The following TMEM260 variants were observed in gnomAD, a reference collection of about 807,000 sequenced individuals.
The protein encoded by TMEM260 is protein O-mannosyl-transferase TMEM260.
Under a neutral mutation model 88.9 loss-of-function variants are expected in TMEM260, and 82 were observed. The observed-to-expected ratio is 0.92, with a 90% CI of 0.77 to 1.11. The LOEUF (loss-of-function observed/expected upper bound fraction) is 1.11, where lower values mean the gene tolerates loss of function less well. TMEM260 is among the 50% of genes least tolerant of loss of function. The probability of loss-of-function intolerance (pLI) is 0.00; values close to 1 mark genes in which losing one functional copy is unlikely to be tolerated. For synonymous variants in TMEM260, 314 were observed against 309.3 expected (o/e 1.02, Z -0.16); for missense variants, 902 against 853.4 (o/e 1.06, Z -0.71).
chr14:56,612,160 A>G (rs986439672), intron 6 of TMEM260, 85 bp from the exon 7 acceptor site: 2 of 1,330,558 alleles, frequency 1.5e-6, no homozygotes, highest in Admixed American at 3.8e-5. Context: ...GAAAACCCGA[A>G]TCTTTTAAGA....
rs541787966 is a variant in TMEM260 at position 56,604,091 on chromosome 14, A to T, written c.522+99A>T. Reference sequence around the variant, plus strand: ...GCTTAAATACCTTTTATCTATTCTGATTACAGTCGGGATAATCTAGCATGC... The same window carrying T: ...GCTTAAATACCTTTTATCTATTCTGTTTACAGTCGGGATAATCTAGCATGC... On this transcript the variant is annotated intron_variant, in intron 4 of 15. Transcript: ENST00000261556. The T allele has an allele frequency of 3.5e-5, 42 of 1,191,568 alleles. No homozygotes were observed. The East Asian group carries it at 8.7e-4, about 25-fold the overall frequency. The allele number at this position is 1,191,568 out of a possible 1,614,324, so 73.8% of individuals were successfully genotyped here. A position where few individuals can be genotyped will look rare whatever the true frequency, so the allele number is the denominator to read the frequency against.
chr14:56,654,442 A>G (rs1168758152), downstream of TMEM260, among the ~76,000 whole-genome samples: 1 of 152,194 alleles, frequency 6.6e-6, no homozygotes, highest in East Asian at 1.9e-4. Context: ...CTCCACTGGA[A>G]TTAGACTTTA....
chr14:56,580,168 T>A, intron 1 of TMEM260, 94 bp downstream of exon 1: 1 of 1,067,306 alleles, frequency 9.4e-7, no homozygotes, highest in Non-Finnish European at 1.2e-6. Flanking sequence ...GCATTCGGTC[T>A]GGTCAGCTCT....
At chr14:56,603,409 A>G (rs1463691194) in intron 3 of TMEM260, among the ~76,000 whole-genome samples, 3 of 152,282 alleles carry the variant, frequency 2.0e-5, no homozygotes, top group East Asian at 3.9e-4. Context: ...ATTTTTCTGA[A>G]TAAATATTTT....
chr14:56,616,561 A>G (rs1887606914), intron 8 of TMEM260, among the ~76,000 whole-genome samples: 1 of 152,036 alleles, frequency 6.6e-6, no homozygotes, highest in Admixed American at 6.5e-5. Context: ...TGTCTATATA[A>G]TAGAACATTC....
At chr14:56,592,133 C>G (rs891994637) in intron 3 of TMEM260, among the ~76,000 whole-genome samples, 1 of 151,974 alleles carries the variant, frequency 6.6e-6, no homozygotes, top group Admixed American at 6.5e-5. Context: ...AAACAGTTCT[C>G]CTTTTGATCA....
the TMEM260 span, among the ~76,000 whole-genome samples, chr14:56,661,809 C>T: frequency 1.3e-5 from 2 of 152,134 alleles, no homozygotes; most frequent in African/African-American, 4.8e-5. Flanking sequence ...GTTTATATGA[C>T]ACTGTTACTT....
At chr14:56,644,931 A>G (rs1321897523) in intron 15 of TMEM260, among the ~76,000 whole-genome samples, 1 of 152,228 alleles carries the variant, frequency 6.6e-6, no homozygotes, top group East Asian at 1.9e-4. Context: ...ATGCAAATCA[A>G]AACCACAAGG....
rs116580428 is a variant in TMEM260, at chr14:56,599,990, C to G, written c.345-3825C>G. ...AAAAGAGATGATGATTAGTCAGATACAGTAGACAATTTGGTCAACATTTAA... is the reference window on the plus strand; with the variant it reads ...AAAAGAGATGATGATTAGTCAGATAGAGTAGACAATTTGGTCAACATTTAA... On this transcript the variant is annotated intron_variant, in intron 3 of 15. Transcript: ENST00000261556. Among the ~76,000 whole-genome samples the G allele has an allele frequency of 4.6e-3, 707 of 152,232 alleles. 5 individuals carry two copies. The highest frequency in any genetic ancestry group is 0.016 in the African/African-American group (674 of 41,534).
At chr14:56,637,005 TGCAGAAGCAGAGG>T (rs1275749078) in intron 15 of TMEM260, among the ~76,000 whole-genome samples, 2 of 152,122 alleles carry the variant, frequency 1.3e-5, no homozygotes, top group East Asian at 3.9e-4. Flanking sequence ...GTATACATGA[TGCAGAAGCAGAGG>T]GCAGAGAGAG....
At chr14:56,581,948 T>G (rs1885166197) in intron 1 of TMEM260, among the ~76,000 whole-genome samples, 1 of 152,256 alleles carries the variant, frequency 6.6e-6, no homozygotes, top group Non-Finnish European at 1.5e-5. Flanking sequence ...ATTTTATTTT[T>G]TCCTAAAAGA....
chr14:56,618,764 G>GT lies in TMEM260; in HGVS notation c.1226+2dup, dbSNP rs1382757591. The GT allele has an allele frequency of 6.2e-7, 1 of 1,612,262 alleles. No homozygotes were observed. Among genetic ancestry groups the GT allele is most frequent in the Non-Finnish European group, 8.5e-7 (1 of 1,179,036 alleles). On this transcript the variant is annotated splice_donor_variant, in intron 10 of 15. Coordinates refer to ENST00000261556, the MANE Select transcript of TMEM260 (RefSeq NM_017799.4). LOFTEE classifies it high-confidence loss of function. ...TTTACCAAATATATTCTAATTACAG[G>GT]TAATACATGGTTATTTTTATGAAAA...
chr14:56,645,172 C>G (rs1211858682), intron 15 of TMEM260, among the ~76,000 whole-genome samples: 5 of 151,314 alleles, frequency 3.3e-5, no homozygotes, highest in Non-Finnish European at 7.4e-5. Context: ...ATAAATCATG[C>G]TGCTATAAAG....
chr14:56,609,014 A>G (rs1335762693), intron 5 of TMEM260, 92 bp from the exon 6 acceptor site: 4 of 1,305,004 alleles, frequency 3.1e-6, no homozygotes, highest in Non-Finnish European at 4.3e-6. Flanking sequence ...CTGAGTAAAC[A>G]TATTTGATGT....
chr14:56,635,309 T>C (rs574596450), intron 14 of TMEM260, among the ~76,000 whole-genome samples: 1 of 152,320 alleles, frequency 6.6e-6, no homozygotes, highest in East Asian at 1.9e-4. Flanking sequence ...AAATTAATCA[T>C]TACAACCTCG....
chr14:56,638,724 A>G (rs1889323940), intron 15 of TMEM260, among the ~76,000 whole-genome samples: 1 of 152,158 alleles, frequency 6.6e-6, no homozygotes, highest in Admixed American at 6.5e-5. Flanking sequence ...TGTAAAGAAT[A>G]TATTTCTGCT....
rs575030625 is a variant in TMEM260, at chr14:56,616,364, C to T, written c.941+337C>T. On this transcript the variant is annotated intron_variant, in intron 8 of 15. Coordinates refer to ENST00000261556, the MANE Select transcript of TMEM260 (RefSeq NM_017799.4). ...AATTCCTCTGATGATAAAAGTGATC[C>T]GATGACAAAAGAAACCCTGAAAAAT... is the stretch of plus-strand genomic sequence containing the variant. 69 of 174,050 alleles carry T rather than the reference C, an allele frequency of 4.0e-4. 1 individual carries two copies. The highest frequency in any genetic ancestry group is 2.5e-3 in the Middle Eastern group (1 of 402). 10.8% of individuals were successfully genotyped at this position (174,050 alleles called of 1,614,324 possible).
In TMEM260 at chr14:56,579,977, G is replaced by A. The variant is rs2139483758; in HGVS notation, c.63G>A (p.Arg21=). 2 of 1,243,796 alleles carry A rather than the reference G, an allele frequency of 1.6e-6. No homozygotes were observed. The highest frequency in any genetic ancestry group is 3.1e-5 in the African/African-American group (2 of 64,576). 77.0% of individuals were successfully genotyped at this position (1,243,796 alleles called of 1,614,324 possible). The stretch of plus-strand genomic sequence containing the variant: ...GGCGGGCAGTCCGAGTGGGGCTGCG[G>A]CGCTCCGGGGGCATCCGCGGCGGCG... ...AQGRAVRVGL[R]RSGGIRGGVA... The change falls in exon 1 of 16, where the codon CGG becomes CGA. Residue 21 remains arginine, a synonymous_variant. Coordinates refer to ENST00000261556, the MANE Select transcript of TMEM260 (RefSeq NM_017799.4).
chr14:56,624,152 C>G (rs1421396496), intron 11 of TMEM260, among the ~76,000 whole-genome samples: 1 of 152,032 alleles, frequency 6.6e-6, no homozygotes, highest in African/African-American at 2.4e-5. Flanking sequence ...TTGAGCTTCT[C>G]CAGGGCAGGG....
Sources: gnomAD v4.1 joint callset for allele counts (sites outside exome capture counted in the v4.1 genomes callset) on GRCh38, gnomAD v4.1.1 for gene constraint, MANE v1.5 for transcripts, NCBI Gene and HGNC (gene_info 2026-07-23, HGNC 2026-07-21) for gene names.